Variants in EGF observed in about 807,000 individuals in gnomAD.
The protein encoded by EGF is epidermal growth factor, also known as pro-epidermal growth factor.
EGF carries 95 observed loss-of-function variants against 143.8 expected under a neutral mutation model. The observed-to-expected ratio is 0.66, with a 90% CI of 0.56 to 0.78. EGF has a LOEUF of 0.78. EGF is among the 30% of genes least tolerant of loss of function. The probability of loss-of-function intolerance (pLI) is 0.00; values close to 1 mark genes in which losing one functional copy is unlikely to be tolerated. For missense variants in EGF, 1,320 were observed against 1,470.9 expected, an observed-to-expected ratio of 0.90 and a Z score of 1.68; for synonymous variants, 510 against 510.5, an observed-to-expected ratio of 1.00 and a Z score of 0.01.
chr4:109,990,532 A>G (rs1750789212), intron 18 of EGF, among the ~76,000 whole-genome samples: 1 of 152,190 alleles, frequency 6.6e-6, no homozygotes, highest in African/African-American at 2.4e-5. Context: ...CTAGTTGAGC[A>G]CTAAGTTTAG....
rs765975005 is a variant in EGF at position 109,976,190 on chromosome 4, A to C, written c.2008A>C (p.Asn670His). 2 of 1,614,084 alleles carry C rather than the reference A, an allele frequency of 1.2e-6. No individual in the cohort carries two copies. Among genetic ancestry groups the C allele is most frequent in the Non-Finnish European group, 1.7e-6 (2 of 1,180,006 alleles). The change falls in exon 13 of 24, where the codon AAT becomes CAT. Residue 670 changes from asparagine to histidine, a missense_variant. By Grantham distance (68) the Asn-to-His change is moderately conservative (BLOSUM62 1). Transcript: ENST00000265171. ...DAKQSVIEMANLDGSKRRRLT... is the reference protein window; with the variant it reads ...DAKQSVIEMAHLDGSKRRRLT... ...CAAGCAGTCTGTGATTGAAATGGCC[A>C]ATCTGGATGGTTCAAAACGCCGAAG...
rs1249803504 is a variant in EGF, at chr4:109,959,347, A to C, written c.976A>C (p.Ser326Arg). 8 of 1,613,502 alleles carry C rather than the reference A, an allele frequency of 5.0e-6. No individual in the cohort carries two copies. The highest frequency in any genetic ancestry group is 6.8e-6 in the Non-Finnish European group (8 of 1,179,948). Residue 326 changes from serine to arginine, a missense_variant, in exon 6 of 24, where the codon AGC becomes CGC. Ser to Arg is a moderately radical substitution (Grantham distance 110). Transcript: ENST00000265171. ...TTGCAAATTGAGGAAAGGAAACTGC[A>C]GCAGCACTGTGTGTGGGCAAGACCT... ...KLCKLRKGNC[S>R]STVCGQDLQS...
chr4:109,959,493 A>T, intron 6 of EGF, 56 bp downstream of exon 6: 7 of 1,610,270 alleles, frequency 4.3e-6, no homozygotes, highest in Non-Finnish European at 5.9e-6. Context: ...GAGGGGAGGA[A>T]TGCTCAACTG....
intron 9 of EGF, among the ~76,000 whole-genome samples, chr4:109,963,508 G>A (rs185353207): frequency 4.2e-4 from 64 of 152,070 alleles, no homozygotes; most frequent in Admixed American, 6.5e-4. Context: ...ATTAGCATCC[G>A]GCAAAGATTT....
At chr4:109,919,464 A>T (rs1013638811) in intron 1 of EGF, among the ~76,000 whole-genome samples, 1 of 152,058 alleles carries the variant, frequency 6.6e-6, no homozygotes, top group African/African-American at 2.4e-5. Flanking sequence ...GGCTTGATGG[A>T]CATAAGTCAT....
intron 13 of EGF, chr4:109,977,556 A>T (rs1383969438): frequency 2.0e-5 from 3 of 151,966 alleles, no homozygotes; most frequent in Admixed American, 1.3e-4. Flanking sequence ...AAAATCATCC[A>T]GGCTGGGCAT....
intron 5 of EGF, among the ~76,000 whole-genome samples, chr4:109,952,574 C>T (rs1365754401): frequency 2.0e-5 from 3 of 152,098 alleles, no homozygotes; most frequent in African/African-American, 4.8e-5. Context: ...GGAAAAGAAT[C>T]GTCCTAAAAA....
At position 109,969,562 on chromosome 4, in the gene EGF, C is replaced by G. The variant is rs11568982; in HGVS notation, c.1724+443C>G. Among the ~76,000 whole-genome samples the G allele has an allele frequency of 5.6e-3, 851 of 152,022 alleles. 7 individuals are homozygous for G. Among genetic ancestry groups the G allele is most frequent in the Middle Eastern group, 0.051 (15 of 294 alleles). Reference sequence around the variant, plus strand: ...GCACATGTATATCTATGTAATAAACCTGCACGTTCTGCACATGTATCCCAG... The same window carrying G: ...GCACATGTATATCTATGTAATAAACGTGCACGTTCTGCACATGTATCCCAG... On this transcript the variant is annotated intron_variant, in intron 11 of 23. Coordinates refer to ENST00000265171, the MANE Select transcript of EGF (RefSeq NM_001963.6).
At chr4:109,917,991 G>A (rs1484125809) in intron 1 of EGF, among the ~76,000 whole-genome samples, 2 of 152,118 alleles carry the variant, frequency 1.3e-5, no homozygotes, top group African/African-American at 4.8e-5. Flanking sequence ...GTAAGCATAT[G>A]CTTCTAATAA....
rs772825257 is a variant in EGF, at chr4:109,988,722, A to T, written c.2734+13A>T. The T allele has an allele frequency of 1.2e-6, 2 of 1,613,662 alleles. No individual in the cohort carries two copies. Among genetic ancestry groups the T allele is most frequent in the South Asian group, 2.2e-5 (2 of 91,086 alleles). On this transcript the variant is annotated intron_variant, in intron 18 of 23. Coordinates refer to ENST00000265171, the MANE Select transcript of EGF (RefSeq NM_001963.6). The stretch of plus-strand genomic sequence containing the variant: ...ATTCACTGTCTTGGTAAGAGGACAC[A>T]TGTGCTGGGGAGGAGGGCAGAGGCA...
intron 20 of EGF, 137 bp from the exon 21 acceptor site, chr4:109,999,541 CT>C: frequency 1.8e-6 from 2 of 1,089,654 alleles, no homozygotes; most frequent in East Asian, 2.4e-5. Context: ...CAACTGACCC[CT>C]GATGGATTTT....
Position 109,927,763 on chromosome 4 carries a change from A to G in EGF, c.128-13183A>G, listed in dbSNP as rs1260117667. 7.3e-5 allele frequency among the ~76,000 whole-genome samples: 11 copies of G among 150,548 alleles called. No homozygotes were observed. In the East Asian group the frequency reaches 2.1e-3, roughly 29 times the overall value. On this transcript the variant is annotated intron_variant, in intron 1 of 23. Coordinates refer to ENST00000265171, the MANE Select transcript of EGF (RefSeq NM_001963.6). ...AAAAGACATGTCCAAAAGTAGATGC[A>G]AAACTCAGTAGACAGATCAGGATAG...
At chr4:109,959,815 AG>A (rs1310179505) in intron 6 of EGF, among the ~76,000 whole-genome samples, 1 of 152,080 alleles carries the variant, frequency 6.6e-6, no homozygotes, top group African/African-American at 2.4e-5. Flanking sequence ...AGAGTCTCAA[AG>A]AGTCTGTGAC....
At chr4:109,922,967 A>C (rs1211657954) in intron 1 of EGF, among the ~76,000 whole-genome samples, 5 of 151,542 alleles carry the variant, frequency 3.3e-5, no homozygotes, top group Non-Finnish European at 7.3e-5. Context: ...GTTTCTTCAA[A>C]TTTTCAACAA....
At chr4:109,968,688 C>CTATG (rs1747025143) in intron 10 of EGF, 2 of 409,720 alleles carry the variant, frequency 4.9e-6, no homozygotes, top group African/African-American at 4.2e-5. Flanking sequence ...ATCTATCTAT[C>CTATG]TATCTATCTA....
chr4:109,943,330 A>G lies in EGF; in HGVS notation c.404A>G (p.Gln135Arg). The G allele has an allele frequency of 6.2e-7, 1 of 1,612,306 alleles. No homozygotes were observed. Among genetic ancestry groups the G allele is most frequent in the Non-Finnish European group, 8.5e-7 (1 of 1,179,016 alleles). ...AATGAAGAAGTTATTTGGTCAAATC[A>G]ACAGGAAGGAATCATTACAGTAACA... is the stretch of plus-strand genomic sequence containing the variant. ...WINEEVIWSN[Q>R]QEGIITVTDM... Residue 135 changes from glutamine (Q) to arginine (R), a missense_variant, in exon 3 of 24, where the codon CAA (glutamine) becomes CGA (arginine). Gln to Arg is a conservative substitution (Grantham distance 43). This residue lies in a region of EGF where 5 missense variants were observed against 21.3 expected (regional missense o/e 0.23). Transcript: ENST00000265171.
chr4:110,011,617 C>A lies in EGF; in HGVS notation c.*162C>A, dbSNP rs1309224648. ...AGATACGTAGTTGTGCTTTTGTTTGCTCTTTTAAGCAGTCTCACTGCAGTC... is the reference window on the plus strand; with the variant it reads ...AGATACGTAGTTGTGCTTTTGTTTGATCTTTTAAGCAGTCTCACTGCAGTC... On this transcript the variant is annotated 3_prime_UTR_variant, in exon 24 of 24. Transcript: ENST00000265171. The A allele has an allele frequency of 6.4e-6, 7 of 1,092,528 alleles. No homozygotes were observed. Among genetic ancestry groups the A allele is most frequent in the African/African-American group, 4.7e-5 (3 of 63,482 alleles). The allele number at this position is 1,092,528 out of a possible 1,614,324, so 67.7% of individuals were successfully genotyped here. A position where few individuals can be genotyped will look rare whatever the true frequency, so the allele number is the denominator to read the frequency against.
chr4:110,004,215 TACACACACAC>T (rs772189572), intron 21 of EGF: 4,325 of 357,008 alleles, frequency 0.012, 17 homozygotes, highest in Non-Finnish European at 0.016. Flanking sequence ...TGGGCATACA[TACACACACAC>T]ACACACACAC....
In EGF at chr4:109,987,749, G is replaced by A; in HGVS notation, c.2497G>A (p.Asp833Asn). 6.2e-7 allele frequency: 1 copy of A among 1,613,316 alleles called. No individual in the cohort carries two copies. ...LVAEIMVSDQ[D>N]DCAPVGCSMY... ...GGGATTCTTGCTATTTGTAGATCAA[G>A]ATGACTGTGCTCCTGTGGGATGCAG... The change falls in exon 17 of 24, where the codon GAT (aspartate) becomes AAT (asparagine). Residue 833 changes from aspartate to asparagine, a missense_variant. By Grantham distance (23) the Asp-to-Asn change is conservative (BLOSUM62 1). Around this residue, in one of 5 missense-constraint regions of EGF, gnomAD observed 1,186 missense variants for 1,313.7 expected, o/e 0.90. Transcript: ENST00000265171.
Sources: allele counts gnomAD v4.1 joint callset (sites outside exome capture counted in the v4.1 genomes callset), GRCh38; gene constraint gnomAD v4.1.1; regional missense constraint gnomAD v4.1.1; transcripts MANE v1.5; gene names NCBI Gene and HGNC (gene_info 2026-07-23, HGNC 2026-07-21).